The following TGFBR3 variants were observed in gnomAD, a reference collection of about 807,000 sequenced individuals.
TGFBR3 encodes transforming growth factor beta receptor 3, also known as transforming growth factor beta receptor type 3.
Under a neutral mutation model 87.9 loss-of-function variants are expected in TGFBR3, and 46 were observed. That is an observed-to-expected ratio of 0.52 (90% CI 0.41 to 0.67). The LOEUF (loss-of-function observed/expected upper bound fraction) is 0.67. Among genes scored for constraint, TGFBR3 ranks in the 30% least tolerant of loss-of-function variants. TGFBR3 has a pLI of 0.00. For synonymous variants in TGFBR3, 381 were observed against 391.6 expected, an observed-to-expected ratio of 0.97 and a Z score of 0.32; for missense variants, 866 against 1,041.9, an observed-to-expected ratio of 0.83 and a Z score of 2.32.
intron 1 of TGFBR3, among the ~76,000 whole-genome samples, chr1:91,905,656 A>G (rs1261775945): frequency 2.0e-5 from 3 of 152,238 alleles, no homozygotes; most frequent in East Asian, 1.9e-4. Context: ...TCGGCCTCCC[A>G]AAGTGCTGGG....
Position 91,683,294 on chromosome 1 carries a change from C to T in TGFBR3, c.*445G>A, listed in dbSNP as rs1347728785. The T allele has an allele frequency of 2.2e-6, 1 of 457,818 alleles. No individual in the cohort carries two copies. Among genetic ancestry groups the T allele is most frequent in the Admixed American group, 2.3e-5 (1 of 42,646 alleles). The allele number at this position is 457,818 out of a possible 1,614,324, so 28.4% of individuals were successfully genotyped here. On this transcript the variant is annotated 3_prime_UTR_variant, in exon 17 of 17. Transcript: ENST00000212355. ...GCATTTCTTGTTTTACATCTTGGTTCAGATATAAAGAATCTTTGGCCGCAT... is the reference window on the plus strand; with the variant it reads ...GCATTTCTTGTTTTACATCTTGGTTTAGATATAAAGAATCTTTGGCCGCAT...
At chr1:91,849,810 A>G (rs112993606) in intron 2 of TGFBR3, among the ~76,000 whole-genome samples, 2,826 of 152,248 alleles carry the variant, frequency 0.019, 89 homozygotes, top group African/African-American at 0.065. Flanking sequence ...AAGGCCAGCG[A>G]GGTGGCTCAC....
Position 91,719,882 on chromosome 1 carries a change from G to C in TGFBR3, c.1413+11C>G, listed in dbSNP as rs751172702. 7.4e-6 allele frequency: 12 copies of C among 1,613,832 alleles called. 1 individual carries two copies. The highest frequency in any genetic ancestry group is 9.3e-6 in the Non-Finnish European group (11 of 1,179,838). ...TAGCCTCTCTTCCCTCCTGTAATCA[G>C]CTGCACCGACCTGAAAAGAATCTTT... On this transcript the variant is annotated intron_variant, in intron 9 of 16. Coordinates refer to ENST00000212355, the MANE Select transcript of TGFBR3 (RefSeq NM_003243.5).
intron 3 of TGFBR3, among the ~76,000 whole-genome samples, chr1:91,781,800 G>A (rs1362133574): frequency 6.6e-6 from 1 of 152,090 alleles, no homozygotes; most frequent in Non-Finnish European, 1.5e-5. Context: ...TTTGGAAATA[G>A]GCTGGCCTTT....
At chr1:91,783,389 A>G (rs1177571150) in intron 3 of TGFBR3, 7 of 152,242 alleles carry the variant, frequency 4.6e-5, no homozygotes, top group African/African-American at 1.7e-4. Flanking sequence ...CAAGGAGCTC[A>G]GAGACAAGGA....
At chr1:91,853,934 G>A (rs1480949909) in intron 2 of TGFBR3, among the ~76,000 whole-genome samples, 3 of 152,234 alleles carry the variant, frequency 2.0e-5, no homozygotes, top group Middle Eastern at 3.4e-3. Flanking sequence ...ACTCGAACCC[G>A]GGAGGCGGAG....
chr1:91,903,020 C>T (rs1285133445), intron 1 of TGFBR3, among the ~76,000 whole-genome samples: 1 of 123,614 alleles, frequency 8.1e-6, no homozygotes, highest in African/African-American at 3.3e-5. Flanking sequence ...TCTTCTAGCA[C>T]CTCACTTAAA....
upstream of TGFBR3, among the ~76,000 whole-genome samples, chr1:91,887,060 C>G (rs552452823): frequency 2.6e-5 from 4 of 151,974 alleles, no homozygotes; most frequent in Non-Finnish European, 4.4e-5. Context: ...CATTGTTTTA[C>G]AAACAGGCAG....
intron 14 of TGFBR3, among the ~76,000 whole-genome samples, chr1:91,698,625 C>T (rs17879938): frequency 0.019 from 2,812 of 151,336 alleles, 26 homozygotes; most frequent in African/African-American, 0.035. Context: ...ATTTTAGCCT[C>T]CCGAGTAGCT....
chr1:91,787,943 G>GAAAAAAAAAAAAAAAAAAAA (rs111981257), intron 3 of TGFBR3, among the ~76,000 whole-genome samples: 1 of 133,314 alleles, frequency 7.5e-6, no homozygotes, highest in African/African-American at 3.1e-5. Context: ...GTCTCACGGG[G>GAAAAAAAAAAAAAAAAAAAA]AAAAAAAAAA....
At chr1:91,870,919 C>G (rs2101237310) in intron 1 of TGFBR3, among the ~76,000 whole-genome samples, 2 of 152,170 alleles carry the variant, frequency 1.3e-5, no homozygotes, top group African/African-American at 4.8e-5. Flanking sequence ...GCCAATAGTC[C>G]TAGCTACTTG....
chr1:91,780,277 CAGTG>C (rs1557706425), intron 3 of TGFBR3, among the ~76,000 whole-genome samples: 1 of 152,268 alleles, frequency 6.6e-6, no homozygotes, highest in East Asian at 1.9e-4. Flanking sequence ...TGTGGATAAA[CAGTG>C]AGCAAAGCTT....
At chr1:91,762,322 G>A (rs980418954) in intron 3 of TGFBR3, among the ~76,000 whole-genome samples, 1 of 152,024 alleles carries the variant, frequency 6.6e-6, no homozygotes, top group Admixed American at 6.6e-5. Context: ...TTCATTGCAG[G>A]GCCCATGAAC....
At chr1:91,905,423 A>G (rs1435106918) in intron 1 of TGFBR3, among the ~76,000 whole-genome samples, 1 of 152,074 alleles carries the variant, frequency 6.6e-6, no homozygotes. Flanking sequence ...TTGACCAGTT[A>G]CTTTTTGTTT....
intron 14 of TGFBR3, among the ~76,000 whole-genome samples, chr1:91,702,026 A>G (rs888535227): frequency 6.6e-6 from 1 of 152,186 alleles, no homozygotes; most frequent in Non-Finnish European, 1.5e-5. Flanking sequence ...GGAAACGTCT[A>G]GAGACATTTT....
At chr1:91,896,496 A>C (rs1227020071) in intron 2 of TGFBR3, among the ~76,000 whole-genome samples, 1 of 152,148 alleles carries the variant, frequency 6.6e-6, no homozygotes, top group Non-Finnish European at 1.5e-5. Context: ...GCAGGGAGCA[A>C]GTATGTGGTG....
At position 91,870,895 on chromosome 1, in the gene TGFBR3, G is replaced by A. The variant is rs1189982059; in HGVS notation, c.-113-9251C>T. 2.6e-5 allele frequency among the ~76,000 whole-genome samples: 4 copies of A among 152,142 alleles called. No homozygotes were observed. In the East Asian group the frequency reaches 7.7e-4, roughly 29 times the overall value. ...AAATACAAACACAAATATTAGCCAG[G>A]CATGGTGGCGCATGCCAATAGTCCT... is the stretch of plus-strand genomic sequence containing the variant. On this transcript the variant is annotated intron_variant, in intron 1 of 16. Coordinates refer to ENST00000212355, the MANE Select transcript of TGFBR3 (RefSeq NM_003243.5).
At chr1:91,730,389 T>C (rs1436726408) in intron 5 of TGFBR3, among the ~76,000 whole-genome samples, 1 of 152,120 alleles carries the variant, frequency 6.6e-6, no homozygotes, top group African/African-American at 2.4e-5. Context: ...TCGTAGTAGA[T>C]TCCAATATAA....
At chr1:91,768,704 G>A (rs529482688) in intron 3 of TGFBR3, among the ~76,000 whole-genome samples, 12 of 151,964 alleles carry the variant, frequency 7.9e-5, no homozygotes, top group Non-Finnish European at 1.0e-4. Context: ...CTTTCCCTTC[G>A]CCTTCTGCCA....
Sources: gnomAD v4.1 joint callset for allele counts (sites outside exome capture counted in the v4.1 genomes callset) on GRCh38, gnomAD v4.1.1 for gene constraint, MANE v1.5 for transcripts, NCBI Gene and HGNC (gene_info 2026-07-23, HGNC 2026-07-21) for gene names.